Variants in BTRC observed in about 807,000 individuals in gnomAD.
The protein encoded by BTRC is beta-transducin repeat containing E3 ubiquitin protein ligase.
In BTRC, 42 loss-of-function variants were observed where a neutral mutation model predicts 85.5. The observed-to-expected ratio is 0.49, with a 90% CI of 0.38 to 0.64. BTRC has a LOEUF of 0.64. BTRC is among the 30% of genes least tolerant of loss of function. BTRC has a pLI of 0.00. For missense variants in BTRC, 594 were observed against 743.5 expected, an observed-to-expected ratio of 0.80 and a Z score of 2.34; for synonymous variants, 255 against 263.3, an observed-to-expected ratio of 0.97 and a Z score of 0.30.
intron 1 of BTRC, among the ~76,000 whole-genome samples, chr10:101,366,900 A>C (rs12219129): frequency 3.2e-5 from 1 of 31,150 alleles, no homozygotes; most frequent in Non-Finnish European, 5.5e-5. Context: ...ATATATATTT[A>C]TATATATTAA....
Position 101,550,871 on chromosome 10 carries a change from A to G in BTRC, c.*11A>G. 1.9e-6 allele frequency: 3 copies of G among 1,606,768 alleles called. No homozygotes were observed. The highest frequency in any genetic ancestry group is 2.2e-5 in the East Asian group (1 of 44,654). ...TACATCTCCAGATAAATAACCATAC[A>G]CTGACCTCATACTTGCCCAGGTATC... On this transcript the variant is annotated 3_prime_UTR_variant, in exon 14 of 15. Coordinates refer to ENST00000370187, the MANE Select transcript of BTRC (RefSeq NM_033637.4).
intron 1 of BTRC, among the ~76,000 whole-genome samples, chr10:101,418,269 G>A (rs2134045054): frequency 6.6e-6 from 1 of 152,208 alleles, no homozygotes; most frequent in Non-Finnish European, 1.5e-5. Context: ...TCAGGAGGCT[G>A]AGGCAGGAGA....
intron 1 of BTRC, among the ~76,000 whole-genome samples, chr10:101,390,765 A>G (rs11190984): frequency 9.6e-5 from 11 of 115,160 alleles, no homozygotes; most frequent in East Asian, 8.0e-4. Context: ...TTTGTCTTAA[A>G]AAAGAAAGAA....
At chr10:101,453,241 C>T (rs1454823366) in intron 2 of BTRC, among the ~76,000 whole-genome samples, 2 of 152,054 alleles carry the variant, frequency 1.3e-5, no homozygotes, top group Non-Finnish European at 2.9e-5. Flanking sequence ...TACTAGAAAT[C>T]GGTCTCAGGA....
At chr10:101,400,158 C>T (rs1004800549) in intron 1 of BTRC, among the ~76,000 whole-genome samples, 14 of 152,168 alleles carry the variant, frequency 9.2e-5, no homozygotes, top group Admixed American at 9.2e-4. Flanking sequence ...TTATTTATTT[C>T]ATATATTGTA....
intron 1 of BTRC, among the ~76,000 whole-genome samples, chr10:101,400,948 C>A (rs1373432540): frequency 6.6e-6 from 1 of 152,070 alleles, no homozygotes; most frequent in African/African-American, 2.4e-5. Flanking sequence ...ATCTTCCCAC[C>A]GAACACTGCA....
At chr10:101,398,570 T>C (rs1943421222) in intron 1 of BTRC, among the ~76,000 whole-genome samples, 1 of 152,226 alleles carries the variant, frequency 6.6e-6, no homozygotes, top group Non-Finnish European at 1.5e-5. Flanking sequence ...CCCAAAGTGC[T>C]GGGATTATAG....
At chr10:101,517,526 A>G (rs2062038633) in intron 4 of BTRC, among the ~76,000 whole-genome samples, 2 of 152,244 alleles carry the variant, frequency 1.3e-5, no homozygotes, top group South Asian at 2.1e-4. Flanking sequence ...CACATTGAGT[A>G]TGTCTGAGCA....
intron 4 of BTRC, among the ~76,000 whole-genome samples, chr10:101,486,765 G>A (rs1399230812): frequency 3.9e-5 from 6 of 152,244 alleles, no homozygotes; most frequent in Admixed American, 3.9e-4. Flanking sequence ...TCTGGAGTTA[G>A]CATTTTCTTT....
intron 2 of BTRC, among the ~76,000 whole-genome samples, chr10:101,460,667 C>CA (rs1945200258): frequency 6.6e-6 from 1 of 152,116 alleles, no homozygotes; most frequent in African/African-American, 2.4e-5. Context: ...TGACACAGTA[C>CA]GTTTTTTATC....
chr10:101,519,066 C>T (rs960380403), intron 4 of BTRC, among the ~76,000 whole-genome samples: 16 of 143,200 alleles, frequency 1.1e-4, no homozygotes, highest in African/African-American at 3.3e-4. Flanking sequence ...GGAAAATCCT[C>T]TTCTCAGCTT....
chr10:101,393,976 A>G (rs1943301032), intron 1 of BTRC, among the ~76,000 whole-genome samples: 1 of 152,252 alleles, frequency 6.6e-6, no homozygotes, highest in Admixed American at 6.5e-5. Flanking sequence ...ACTGTAGAGC[A>G]TGTCCCTCTA....
At chr10:101,405,146 T>C (rs1478165406) in intron 1 of BTRC, among the ~76,000 whole-genome samples, 2 of 152,050 alleles carry the variant, frequency 1.3e-5, no homozygotes, top group Non-Finnish European at 2.9e-5. Context: ...CCCAGTACTA[T>C]CTGGTTCCCT....
chr10:101,455,428 G>A (rs988362321), intron 2 of BTRC, among the ~76,000 whole-genome samples: 2 of 152,046 alleles, frequency 1.3e-5, no homozygotes, highest in African/African-American at 2.4e-5. Flanking sequence ...ACAGTAGTGT[G>A]GGGTGGGAAG....
At chr10:101,387,255 A>G (rs1943102804) in intron 1 of BTRC, among the ~76,000 whole-genome samples, 2 of 151,704 alleles carry the variant, frequency 1.3e-5, no homozygotes, top group South Asian at 4.1e-4. Flanking sequence ...ATATACTGAT[A>G]TTGTGATACA....
At chr10:101,415,622 A>G (rs534755591) in intron 1 of BTRC, among the ~76,000 whole-genome samples, 43 of 147,474 alleles carry the variant, frequency 2.9e-4, no homozygotes, top group Admixed American at 1.4e-3. Context: ...GCTCACTGCA[A>G]CCTCTGCCTC....
chr10:101,467,262 C>G (rs1945399347), intron 3 of BTRC, among the ~76,000 whole-genome samples: 1 of 148,232 alleles, frequency 6.7e-6, no homozygotes, highest in African/African-American at 2.5e-5. Flanking sequence ...TGATGGCATT[C>G]CCTTCTTTCT....
At chr10:101,381,962 C>CTTTTTTTTTTTTTTTTTT (rs71016314) in intron 1 of BTRC, among the ~76,000 whole-genome samples, 1 of 49,156 alleles carries the variant, frequency 2.0e-5, no homozygotes, top group African/African-American at 1.1e-4. Flanking sequence ...CTAAGAATGT[C>CTTTTTTTTTTTTTTTTTT]TTTTTTTTTT....
chr10:101,455,325 A>G (rs954645336), intron 2 of BTRC, among the ~76,000 whole-genome samples: 8 of 151,954 alleles, frequency 5.3e-5, no homozygotes, highest in African/African-American at 1.9e-4. Flanking sequence ...CCGACAAGAA[A>G]ACATTTTAAA....
Sources: allele counts gnomAD v4.1 joint callset (sites outside exome capture counted in the v4.1 genomes callset), GRCh38; gene constraint gnomAD v4.1.1; transcripts MANE v1.5; gene names NCBI Gene and HGNC (gene_info 2026-07-23, HGNC 2026-07-21).